The following STPG2 variants were observed in gnomAD, a reference collection of about 807,000 sequenced individuals.
STPG2 encodes the protein sperm tail PG-rich repeat containing 2.
STPG2 carries 56 observed loss-of-function variants against 54.2 expected under a neutral mutation model. That is an observed-to-expected ratio of 1.03 (90% CI 0.83 to 1.29). The LOEUF is 1.29. Ranked by LOEUF, STPG2 falls within the 50% of genes most tolerant of loss-of-function variation. The pLI, the probability that STPG2 is intolerant of heterozygous loss-of-function variation, is 0.00. For missense variants in STPG2, 596 were observed against 544.9 expected (o/e 1.09, Z -0.93); for synonymous variants, 200 against 181.8 (o/e 1.10, Z -0.81).
At chr4:98,129,754 T>C (rs1210565615) in intron 2 of STPG2, among the ~76,000 whole-genome samples, 2 of 152,246 alleles carry the variant, frequency 1.3e-5, no homozygotes, top group Non-Finnish European at 2.9e-5. Context: ...ATTAAGAATA[T>C]ATTGATTCCT....
intron 9 of STPG2, among the ~76,000 whole-genome samples, chr4:97,713,687 T>C (rs1308588460): frequency 6.6e-6 from 1 of 152,128 alleles, no homozygotes; most frequent in Non-Finnish European, 1.5e-5. Flanking sequence ...CAGGCGGTAA[T>C]ACTCACTTGC....
intron 5 of STPG2, among the ~76,000 whole-genome samples, chr4:98,060,046 C>T (rs1350680787): frequency 2.0e-5 from 3 of 152,238 alleles, no homozygotes; most frequent in African/African-American, 7.2e-5. Flanking sequence ...CAACATATTA[C>T]TGGAAGTCCT....
intron 9 of STPG2, among the ~76,000 whole-genome samples, chr4:97,819,755 T>C (rs1459761067): frequency 1.3e-5 from 2 of 152,086 alleles, no homozygotes; most frequent in Non-Finnish European, 2.9e-5. Flanking sequence ...AATTAAATTA[T>C]TTAATTTTAT....
intron 8 of STPG2, among the ~76,000 whole-genome samples, chr4:97,932,214 ATGTT>A (rs1732575105): frequency 6.6e-6 from 1 of 151,890 alleles, no homozygotes; most frequent in Non-Finnish European, 1.5e-5. Context: ...GATCTTTTGA[ATGTT>A]TGTTCGTGTC....
chr4:98,033,780 T>C (rs183581935), intron 5 of STPG2, among the ~76,000 whole-genome samples: 1 of 152,206 alleles, frequency 6.6e-6, no homozygotes, highest in East Asian at 1.9e-4. Flanking sequence ...ATCCCTGGGA[T>C]GCAAAGCTGA....
chr4:98,131,853 G>A (rs1400975068), intron 2 of STPG2, among the ~76,000 whole-genome samples: 1 of 152,122 alleles, frequency 6.6e-6, no homozygotes, highest in East Asian at 1.9e-4. Flanking sequence ...TTGGGATCCA[G>A]ATTCCAACTC....
intron 9 of STPG2, among the ~76,000 whole-genome samples, chr4:97,771,922 C>G (rs1417980184): frequency 6.6e-6 from 1 of 152,156 alleles, no homozygotes; most frequent in Non-Finnish European, 1.5e-5. Context: ...GGAAACTAAT[C>G]ACCAGAACCA....
chr4:98,009,973 T>C (rs1735694263), intron 5 of STPG2, among the ~76,000 whole-genome samples: 1 of 152,088 alleles, frequency 6.6e-6, no homozygotes, highest in African/African-American at 2.4e-5. Context: ...TTTCTGATTA[T>C]ATTTATTTGA....
intron 7 of STPG2, among the ~76,000 whole-genome samples, chr4:97,949,714 G>C (rs1334212397): frequency 6.6e-6 from 1 of 152,146 alleles, no homozygotes; most frequent in African/African-American, 2.4e-5. Flanking sequence ...TAGGACCCCA[G>C]TCCCTTCTGG....
intron 8 of STPG2, among the ~76,000 whole-genome samples, chr4:97,848,469 G>A (rs1417645644): frequency 1.3e-5 from 2 of 152,224 alleles, no homozygotes; most frequent in Non-Finnish European, 2.9e-5. Flanking sequence ...AAAAATGACA[G>A]TAGGAATCTA....
chr4:97,825,462 G>C (rs1012340405), intron 9 of STPG2, among the ~76,000 whole-genome samples: 4 of 152,116 alleles, frequency 2.6e-5, no homozygotes, highest in Non-Finnish European at 5.9e-5. Flanking sequence ...GACCCCTACT[G>C]AGAGATAAGA....
At chr4:98,086,117 A>T (rs1738495532) in intron 5 of STPG2, among the ~76,000 whole-genome samples, 1 of 152,156 alleles carries the variant, frequency 6.6e-6, no homozygotes. Flanking sequence ...AACTTGCTAT[A>T]TTTGCAGAAT....
rs1733770228 is a variant in STPG2 at position 97,958,492 on chromosome 4, G to C, written c.933+13788C>G. On this transcript the variant is annotated intron_variant, in intron 7 of 10. Coordinates refer to ENST00000295268, the MANE Select transcript of STPG2 (RefSeq NM_174952.3). The stretch of plus-strand genomic sequence containing the variant: ...CAACTAGCAGTCTCTGCTCCATTCA[G>C]GAGACTCACCTGACACATAAGAACT... 1.3e-5 allele frequency among the ~76,000 whole-genome samples: 2 copies of C among 152,050 alleles called. 1 individual carries two copies. Among genetic ancestry groups the C allele is most frequent in the South Asian group, 4.1e-4 (2 of 4,828 alleles).
intron 5 of STPG2, among the ~76,000 whole-genome samples, chr4:97,984,798 G>GA (rs1560622925): frequency 4.3e-5 from 1 of 23,296 alleles, no homozygotes; most frequent in Non-Finnish European, 1.1e-4. Flanking sequence ...AACATTTGCT[G>GA]ATTACCCGCA....
At chr4:97,710,076 A>C (rs1407098943) in intron 10 of STPG2, among the ~76,000 whole-genome samples, 1 of 151,624 alleles carries the variant, frequency 6.6e-6, no homozygotes, top group African/African-American at 2.4e-5. Flanking sequence ...TGAAATTATA[A>C]GTGAACTTTT....
chr4:98,051,078 C>A (rs919309848), intron 5 of STPG2, among the ~76,000 whole-genome samples: 2 of 151,876 alleles, frequency 1.3e-5, no homozygotes, highest in South Asian at 4.2e-4. Context: ...TGTCTTCACT[C>A]CCCATCAACA....
At chr4:97,626,884 A>G (rs1034041900) in intron 10 of STPG2, among the ~76,000 whole-genome samples, 4 of 152,140 alleles carry the variant, frequency 2.6e-5, no homozygotes, top group Non-Finnish European at 5.9e-5. Flanking sequence ...TTTTATATAA[A>G]GATCTTATGA....
At chr4:97,622,531 AT>A (rs1460779035) in intron 10 of STPG2, among the ~76,000 whole-genome samples, 1 of 152,180 alleles carries the variant, frequency 6.6e-6, no homozygotes, top group African/African-American at 2.4e-5. Flanking sequence ...TCACAAAAGA[AT>A]AAAATATCTA....
Position 97,981,258 on chromosome 4 carries a change from C to T in STPG2, c.673G>A (p.Ala225Thr), listed in dbSNP as rs750242856. The T allele has an allele frequency of 1.2e-5, 19 of 1,613,880 alleles. No homozygotes were observed. In the East Asian group the frequency reaches 3.6e-4, roughly 30 times the overall value. The change falls in exon 6 of 11, where the codon GCT becomes ACT. Residue 225 changes from alanine (A) to threonine (T), a missense_variant. By Grantham distance (58) the Ala-to-Thr change is moderately conservative (BLOSUM62 0). Coordinates refer to ENST00000295268, the MANE Select transcript of STPG2 (RefSeq NM_174952.3). ...GATGTTTTCTTCAAAGACTTGAGAGCAGTTCGAGGTTCATTATATGTGCCA... is the reference window on the plus strand; with the variant it reads ...GATGTTTTCTTCAAAGACTTGAGAGTAGTTCGAGGTTCATTATATGTGCCA... ...APGTYNEPRTALKSLKKTSGL... is the reference protein window; with the variant it reads ...APGTYNEPRTTLKSLKKTSGL...
Sources: gnomAD v4.1 joint callset for allele counts (sites outside exome capture counted in the v4.1 genomes callset) on GRCh38, gnomAD v4.1.1 for gene constraint, MANE v1.5 for transcripts, NCBI Gene and HGNC (gene_info 2026-07-23, HGNC 2026-07-21) for gene names.